The following CELF1 variants were observed in gnomAD, a reference collection of about 807,000 sequenced individuals.
CELF1 encodes the protein CUGBP Elav-like family member 1.
A neutral mutation model predicts 61.8 loss-of-function variants in CELF1; 10 were observed. That is an observed-to-expected ratio of 0.16 (90% confidence interval 0.10 to 0.27). The LOEUF is 0.27. Among genes scored for constraint, CELF1 ranks in the 10% least tolerant of loss-of-function variants. The pLI is 1.00. For synonymous variants in CELF1, 236 were observed against 225.1 expected (o/e 1.05, Z -0.43); for missense variants, 380 against 639.1 (o/e 0.59, Z 4.37).
At chr11:47,502,692 C>T (rs564497261) in intron 1 of CELF1, among the ~76,000 whole-genome samples, 2 of 152,032 alleles carry the variant, frequency 1.3e-5, no homozygotes, top group Non-Finnish European at 2.9e-5. Context: ...ATTAGCTGGG[C>T]GTGGTGGCAC....
At chr11:47,477,242 C>T in intron 11 of CELF1, 55 bp downstream of exon 11, 1 of 1,595,676 alleles carries the variant, frequency 6.3e-7, no homozygotes, top group Non-Finnish European at 8.6e-7. Flanking sequence ...TGCCTTTAAA[C>T]ACAAAGCATC....
intron 3 of CELF1, among the ~76,000 whole-genome samples, 162 bp downstream of exon 3, chr11:47,499,291 A>G (rs1219300967): frequency 6.6e-6 from 1 of 152,214 alleles, no homozygotes; most frequent in Non-Finnish European, 1.5e-5. Context: ...GTAATGAGAC[A>G]GACTACAATT....
At chr11:47,510,459 T>TA (rs953737894) in intron 1 of CELF1, among the ~76,000 whole-genome samples, 3 of 152,176 alleles carry the variant, frequency 2.0e-5, no homozygotes, top group Non-Finnish European at 4.4e-5. Context: ...ACATCAGTCC[T>TA]AAACCCATGA....
At chr11:47,527,049 C>CT (rs1262978743) in intron 1 of CELF1, among the ~76,000 whole-genome samples, 1 of 143,674 alleles carries the variant, frequency 7.0e-6, no homozygotes, top group African/African-American at 2.6e-5. Context: ...AAAACTCCGT[C>CT]TAAAAAAAAA....
intron 13 of CELF1, 43 bp from the exon 14 acceptor site, chr11:47,473,274 T>C: frequency 1.3e-6 from 2 of 1,588,034 alleles, no homozygotes; most frequent in Non-Finnish European, 1.7e-6. Context: ...GTGTCAAACA[T>C]GCTCGTCGCC....
In CELF1 at chr11:47,484,525, TAA is replaced by T. The variant is rs1477936809; in HGVS notation, c.392-4_392-3del. 2 of 1,604,398 alleles carry T rather than the reference TAA, an allele frequency of 1.2e-6. No individual in the cohort carries two copies. The highest frequency in any genetic ancestry group is 8.5e-7 in the Non-Finnish European group (1 of 1,177,320). On this transcript the variant is annotated splice_polypyrimidine_tract_variant and splice_region_variant and intron_variant, in intron 6 of 14. Coordinates refer to ENST00000687097, the MANE Select transcript of CELF1 (RefSeq NM_001376376.1). ...TAAACAGCTTCCTGTCTTCCACTGC[TAA>T]GAGAGTAAAACAGAAAAGACTTGAA...
At chr11:47,527,563 T>TA (rs905807736) in intron 1 of CELF1, among the ~76,000 whole-genome samples, 14 of 150,052 alleles carry the variant, frequency 9.3e-5, no homozygotes, top group East Asian at 1.9e-4. Flanking sequence ...CTACAAAACT[T>TA]AAAAAAAAAA....
At chr11:47,489,163 T>C in intron 3 of CELF1, 139 bp from the exon 4 acceptor site, 1 of 747,310 alleles carries the variant, frequency 1.3e-6, no homozygotes, top group Non-Finnish European at 2.0e-6. Context: ...CCATTCAGTT[T>C]ACCAGAGTTC....
chr11:47,476,184 G>A (rs551005270), intron 12 of CELF1, among the ~76,000 whole-genome samples: 1 of 152,020 alleles, frequency 6.6e-6, no homozygotes, highest in African/African-American at 2.4e-5. Flanking sequence ...TAGAGATGGA[G>A]TTCTCACTAT....
intron 1 of CELF1, among the ~76,000 whole-genome samples, chr11:47,506,161 TCA>T (rs2094478622): frequency 6.7e-6 from 1 of 150,034 alleles, no homozygotes; most frequent in African/African-American, 2.4e-5. Flanking sequence ...GCGCGGTGGC[TCA>T]CACCTGTAAT....
At chr11:47,536,693 G>A (rs1486272715) in intron 1 of CELF1, among the ~76,000 whole-genome samples, 1 of 152,130 alleles carries the variant, frequency 6.6e-6, no homozygotes, top group Non-Finnish European at 1.5e-5. Context: ...CTGGGAAGCG[G>A]GGGCTGCAGA....
chr11:47,530,022 A>G (rs2096411154), intron 1 of CELF1, among the ~76,000 whole-genome samples: 1 of 152,220 alleles, frequency 6.6e-6, no homozygotes, highest in African/African-American at 2.4e-5. Context: ...AGATAATTTT[A>G]AAGTGTCTGT....
At position 47,466,297 on chromosome 11, in the gene CELF1, GGAAA is replaced by G. The variant is rs1414023208; in HGVS notation, c.*5929_*5932del. On this transcript the variant is annotated 3_prime_UTR_variant, in exon 15 of 15. Coordinates refer to ENST00000687097, the MANE Select transcript of CELF1 (RefSeq NM_001376376.1). ...ACATTTTCTTTTGCAAATCAAAACAGGAAAGAAAGGAAAAGCTCAAACAAGATAA... is the reference window on the plus strand; with the variant it reads ...ACATTTTCTTTTGCAAATCAAAACAGGAAAGGAAAAGCTCAAACAAGATAA... 6.6e-6 allele frequency: 1 copy of G among 152,048 alleles called. No individual in the cohort carries two copies. The highest frequency in any genetic ancestry group is 2.4e-5 in the African/African-American group (1 of 41,390). 9.4% of individuals were successfully genotyped at this position (152,048 alleles called of 1,614,324 possible). A position where few individuals can be genotyped will look rare whatever the true frequency, so the allele number is the denominator to read the frequency against.
chr11:47,547,553 TGTA>T lies in CELF1; in HGVS notation c.-154+5436_-154+5438del, dbSNP rs778207864. Among the ~76,000 whole-genome samples, 203 of 151,548 alleles carry T rather than the reference TGTA, an allele frequency of 1.3e-3. 1 individual carries two copies. Among genetic ancestry groups the T allele is most frequent in the Non-Finnish European group, 1.6e-3 (108 of 67,938 alleles). ...TTAGCCAGGCTAGGTGGCTCATGCC[TGTA>T]GTCCCAGCTACTCAGGAGGCTGAGG... On this transcript the variant is annotated intron_variant, in intron 1 of 14. Coordinates refer to ENST00000687097, the MANE Select transcript of CELF1 (RefSeq NM_001376376.1).
upstream of CELF1, among the ~76,000 whole-genome samples, chr11:47,554,875 G>A (rs1234424412): frequency 1.3e-5 from 2 of 151,994 alleles, no homozygotes; most frequent in Admixed American, 1.3e-4. Flanking sequence ...TGTTGGTCAG[G>A]CTGGTCTCAA....
chr11:47,523,879 T>A (rs1169686816), intron 1 of CELF1: 1 of 152,138 alleles, frequency 6.6e-6, no homozygotes, highest in East Asian at 1.9e-4. Context: ...GAATATCTCA[T>A]AACAAACCAA....
chr11:47,466,185 G>A lies in CELF1; in HGVS notation c.*6045C>T, dbSNP rs771915678. 3.3e-5 allele frequency: 5 copies of A among 152,086 alleles called. No individual in the cohort carries two copies. The highest frequency in any genetic ancestry group is 9.7e-5 in the African/African-American group (4 of 41,400). The allele number at this position is 152,086 out of a possible 1,614,324, so 9.4% of individuals were successfully genotyped here. A position where few individuals can be genotyped will look rare whatever the true frequency, so the allele number is the denominator to read the frequency against. ...AACTCTGTGATTAGGTAAGAAAAGC[G>A]ACGAGGGCTCTCCTTGCCTTTTTTT... On this transcript the variant is annotated 3_prime_UTR_variant, in exon 15 of 15. Transcript: ENST00000687097.
intron 10 of CELF1, 107 bp downstream of exon 10, chr11:47,478,770 A>T: frequency 4.5e-6 from 4 of 880,282 alleles, no homozygotes; most frequent in Non-Finnish European, 7.3e-6. Context: ...TTTACATAAT[A>T]AGCAAAAAAA....
At chr11:47,538,565 C>G (rs1426576115) in intron 1 of CELF1, among the ~76,000 whole-genome samples, 1 of 151,570 alleles carries the variant, frequency 6.6e-6, no homozygotes, top group East Asian at 1.9e-4. Context: ...ATGGCGTGAA[C>G]CCGGGAGACA....
Sources: allele counts gnomAD v4.1 joint callset (sites outside exome capture counted in the v4.1 genomes callset), GRCh38; gene constraint gnomAD v4.1.1; transcripts MANE v1.5; gene names NCBI Gene and HGNC (gene_info 2026-07-23, HGNC 2026-07-21).